Variants in IFT52 observed in about 807,000 individuals in gnomAD.
IFT52 encodes the protein intraflagellar transport 52, also known as intraflagellar transport protein 52 homolog.
A neutral mutation model predicts 54.4 loss-of-function variants in IFT52; 44 were observed. That is an observed-to-expected ratio of 0.81 (90% CI 0.63 to 1.04). The LOEUF (loss-of-function observed/expected upper bound fraction) is 1.04, where lower values mean the gene tolerates loss of function less well. IFT52 is among the 50% of genes least tolerant of loss of function. The pLI, the probability that IFT52 is intolerant of heterozygous loss-of-function variation, is 0.00. For synonymous variants in IFT52, 181 were observed against 185.3 expected, an observed-to-expected ratio of 0.98 and a Z score of 0.19; for missense variants, 452 against 523.6, an observed-to-expected ratio of 0.86 and a Z score of 1.33.
At chr20:43,646,328 G>A (rs778426231) in intron 13 of IFT52, among the ~76,000 whole-genome samples, 2 of 152,168 alleles carry the variant, frequency 1.3e-5, no homozygotes, top group Non-Finnish European at 1.5e-5. Flanking sequence ...TGAGTGGAAA[G>A]ACCAATTAGG....
At chr20:43,612,969 G>A (rs1414416277) in intron 6 of IFT52, among the ~76,000 whole-genome samples, 1 of 152,012 alleles carries the variant, frequency 6.6e-6, no homozygotes, top group Non-Finnish European at 1.5e-5. Flanking sequence ...CTTCACCCCA[G>A]AATCTGCACC....
chr20:43,597,669 G>T (rs1438470464), intron 3 of IFT52, among the ~76,000 whole-genome samples: 1 of 152,112 alleles, frequency 6.6e-6, no homozygotes, highest in Non-Finnish European at 1.5e-5. Context: ...TGAGAAGGGT[G>T]GATCACTTGA....
At chr20:43,601,854 G>A (rs1043600976) in intron 3 of IFT52, among the ~76,000 whole-genome samples, 1 of 152,182 alleles carries the variant, frequency 6.6e-6, no homozygotes, top group African/African-American at 2.4e-5. Flanking sequence ...TCAGGGTCCA[G>A]GATCATGCAG....
At position 43,636,021 on chromosome 20, in the gene IFT52, G is replaced by A. The variant is rs942089567; in HGVS notation, c.1011+8G>A. The stretch of plus-strand genomic sequence containing the variant: ...CCAACCCTTCAGCCTGCGGTGAGTA[G>A]GTGTGCTTGGGAGATCCCACTGCAG... On this transcript the variant is annotated splice_region_variant and intron_variant, in intron 11 of 13. Transcript: ENST00000373030. The A allele has an allele frequency of 6.2e-7, 1 of 1,613,642 alleles. No individual in the cohort carries two copies. The highest frequency in any genetic ancestry group is 8.5e-7 in the Non-Finnish European group (1 of 1,179,636).
chr20:43,614,604 G>A (rs1486530119), intron 7 of IFT52, among the ~76,000 whole-genome samples: 1 of 151,358 alleles, frequency 6.6e-6, no homozygotes, highest in East Asian at 1.9e-4. Context: ...ACTATGGGCT[G>A]TCACCCTCAG....
intron 10 of IFT52, among the ~76,000 whole-genome samples, chr20:43,627,134 T>G (rs898124870): frequency 1.3e-5 from 2 of 149,804 alleles, no homozygotes; most frequent in African/African-American, 2.5e-5. Context: ...ACCACTGGAC[T>G]CCAGCCTGGG....
rs1196692712 is a variant in IFT52, at chr20:43,604,252, T to A, written c.407T>A (p.Leu136Ter). 6.2e-7 allele frequency: 1 copy of A among 1,606,476 alleles called. No individual in the cohort carries two copies. The highest frequency in any genetic ancestry group is 8.5e-7 in the Non-Finnish European group (1 of 1,173,202). Residue 136 changes from leucine (L) to a stop codon, truncating the protein, a stop_gained, in exon 5 of 14, where the codon TTG becomes TAG. Transcript: ENST00000373030. LOFTEE classifies it high-confidence loss of function. The stretch of plus-strand genomic sequence containing the variant: ...GAAGCTCTAGTTTCCAGTGGAGTCT[T>A]GAACAGGTAAGCATGTTGAAAGCAG... Reference protein sequence around the residue: ...PKEALVSSGVLNREISRAAGK... With the variant: ...PKEALVSSGV
At position 43,647,252 on chromosome 20, in the gene IFT52, C is replaced by G. The variant is rs1351533910; in HGVS notation, c.*269C>G. 8.4e-6 allele frequency: 4 copies of G among 473,464 alleles called. No homozygotes were observed. The allele number at this position is 473,464 out of a possible 1,614,324, so 29.3% of individuals were successfully genotyped here. The stretch of plus-strand genomic sequence containing the variant: ...ACAGTCTTGATTTTTTTTTCTCAAC[C>G]CCAGTTCTGGATTTGAGTCTTTTAT... On this transcript the variant is annotated 3_prime_UTR_variant, in exon 14 of 14. Transcript: ENST00000373030.
chr20:43,596,935 G>T (rs1982013457), intron 3 of IFT52, among the ~76,000 whole-genome samples: 1 of 151,090 alleles, frequency 6.6e-6, no homozygotes, highest in South Asian at 2.1e-4. Context: ...TGCAGATGGG[G>T]TCTCACCATA....
At chr20:43,639,202 G>A (rs1294182943) in intron 12 of IFT52, among the ~76,000 whole-genome samples, 2 of 128,458 alleles carry the variant, frequency 1.6e-5, no homozygotes, top group African/African-American at 5.9e-5. Flanking sequence ...AAAAGAGTAT[G>A]AAATAAGCCT....
rs373648620 is a variant in IFT52 at position 43,626,324 on chromosome 20, C to T, written c.923+2279C>T. ...TTTTGCCCAAGCTGGAGTGCAGTGGCGCAATCTCTGCTCACTGCGACCTCT... is the reference window on the plus strand; with the variant it reads ...TTTTGCCCAAGCTGGAGTGCAGTGGTGCAATCTCTGCTCACTGCGACCTCT... On this transcript the variant is annotated intron_variant, in intron 10 of 13. Coordinates refer to ENST00000373030, the MANE Select transcript of IFT52 (RefSeq NM_016004.5). 1.3e-4 allele frequency among the ~76,000 whole-genome samples: 19 copies of T among 150,216 alleles called. 1 individual carries two copies. The highest frequency in any genetic ancestry group is 3.9e-4 in the African/African-American group (16 of 40,790).
chr20:43,633,962 G>A (rs983770185), intron 10 of IFT52, among the ~76,000 whole-genome samples: 7 of 151,580 alleles, frequency 4.6e-5, no homozygotes, highest in Admixed American at 2.0e-4. Context: ...CCAGGGGTTC[G>A]AGACCAGCCT....
At chr20:43,628,916 C>CT (rs1271543469) in intron 10 of IFT52, among the ~76,000 whole-genome samples, 2 of 151,850 alleles carry the variant, frequency 1.3e-5, no homozygotes, top group African/African-American at 4.8e-5. Flanking sequence ...TATTAGGCCT[C>CT]TAGGGGAGTG....
intron 6 of IFT52, among the ~76,000 whole-genome samples, chr20:43,606,630 G>C (rs1005452506): frequency 5.9e-5 from 9 of 151,390 alleles, no homozygotes; most frequent in Admixed American, 3.3e-4. Context: ...GGTGTTTCTC[G>C]CAGAGGGGGA....
At position 43,595,014 on chromosome 20, in the gene IFT52, C is replaced by G. The variant is rs562957380; in HGVS notation, c.119+197C>G. Among the ~76,000 whole-genome samples the G allele has an allele frequency of 5.3e-5, 8 of 151,534 alleles. No individual in the cohort carries two copies. In the South Asian group the frequency reaches 1.5e-3, roughly 28 times the overall value. On this transcript the variant is annotated intron_variant, in intron 2 of 13. Coordinates refer to ENST00000373030, the MANE Select transcript of IFT52 (RefSeq NM_016004.5). Reference sequence around the variant, plus strand: ...TTGGGAGGCTGAGGCGGGCGGATCACGAGGTCAAGAGATCAAGACTGGCCG... The same window carrying G: ...TTGGGAGGCTGAGGCGGGCGGATCAGGAGGTCAAGAGATCAAGACTGGCCG...
intron 6 of IFT52, among the ~76,000 whole-genome samples, chr20:43,610,749 G>GA (rs60672285): frequency 2.0e-4 from 28 of 138,692 alleles, no homozygotes; most frequent in South Asian, 4.5e-4. Flanking sequence ...AAAAAAAAAA[G>GA]AAAAAAAAAA....
chr20:43,641,387 C>T (rs1296893189), intron 12 of IFT52, among the ~76,000 whole-genome samples: 1 of 151,876 alleles, frequency 6.6e-6, no homozygotes, highest in Non-Finnish European at 1.5e-5. Flanking sequence ...TATAGGCATG[C>T]ACCACCACGC....
At chr20:43,637,522 C>T (rs1985630025) in intron 12 of IFT52, among the ~76,000 whole-genome samples, 1 of 152,176 alleles carries the variant, frequency 6.6e-6, no homozygotes, top group Non-Finnish European at 1.5e-5. Context: ...CTCGGCCTCC[C>T]AGAGTGCTGG....
At chr20:43,627,913 AG>A (rs1354422598) in intron 10 of IFT52, among the ~76,000 whole-genome samples, 1,840 of 112,684 alleles carry the variant, frequency 0.016, 114 homozygotes, top group African/African-American at 0.053. Context: ...ATAGAGAGAG[AG>A]AGAGAGAGTT....
Sources: allele counts gnomAD v4.1 joint callset (sites outside exome capture counted in the v4.1 genomes callset), GRCh38; gene constraint gnomAD v4.1.1; transcripts MANE v1.5; gene names NCBI Gene and HGNC (gene_info 2026-07-23, HGNC 2026-07-21).